The following TENM1 variants were observed in gnomAD, a reference collection of about 807,000 sequenced individuals.
The protein encoded by TENM1 is teneurin-1.
TENM1 carries 35 observed loss-of-function variants against 174.8 expected under a neutral mutation model. The ratio of observed to expected loss-of-function variants is 0.20; its 90% CI spans 0.15 to 0.27. The LOEUF (loss-of-function observed/expected upper bound fraction) is 0.27. Ranked by LOEUF, TENM1 falls within the 10% of genes least tolerant of loss-of-function variation. TENM1 has a pLI of 1.00. For synonymous variants in TENM1, 781 were observed against 798.7 expected, an observed-to-expected ratio of 0.98 and a Z score of 0.37; for missense variants, 1,633 against 2,130.1, an observed-to-expected ratio of 0.77 and a Z score of 4.59.
chrX:124,687,913 A>G (rs925694587), intron 5 of TENM1, among the ~76,000 whole-genome samples: 3 of 112,403 alleles, frequency 2.7e-5, no homozygotes, highest in Non-Finnish European at 3.8e-5. Flanking sequence ...GGGTAGAGAA[A>G]GTAGGGAGCT....
At chrX:125,137,510 C>A in the TENM1 span, among the ~76,000 whole-genome samples, 2 of 108,420 alleles carry the variant, frequency 1.8e-5, no homozygotes, top group African/African-American at 6.7e-5. Context: ...GGCATAAAGT[C>A]TAAAAATGCT....
intron 11 of TENM1, among the ~76,000 whole-genome samples, chrX:124,617,173 A>C (rs1432733672): frequency 8.9e-6 from 1 of 112,057 alleles, no homozygotes; most frequent in African/African-American, 3.2e-5. Flanking sequence ...AGTAAAACTT[A>C]AGGTGCTTGG....
At chrX:124,645,704 A>G (rs1817852363) in intron 9 of TENM1, among the ~76,000 whole-genome samples, 6 of 112,365 alleles carry the variant, frequency 5.3e-5, no homozygotes, top group Admixed American at 4.7e-4. Flanking sequence ...GCAATAAATG[A>G]AGTTATTAAT....
intron 3 of TENM1, among the ~76,000 whole-genome samples, chrX:124,754,474 T>C (rs1416657824): frequency 9.0e-6 from 1 of 111,579 alleles, no homozygotes; most frequent in African/African-American, 3.3e-5. Context: ...GGGTTTTTTG[T>C]GTCTCTATTT....
chrX:125,047,029 C>T, the TENM1 span, among the ~76,000 whole-genome samples: 105 of 110,874 alleles, frequency 9.5e-4, no homozygotes, highest in Non-Finnish European at 5.1e-4. Context: ...TTTAATTCCT[C>T]CCCAAAGTTT....
At chrX:125,198,917 G>A in the TENM1 span, among the ~76,000 whole-genome samples, 637 of 110,713 alleles carry the variant, frequency 5.8e-3, 5 homozygotes, top group African/African-American at 0.02. Flanking sequence ...TGAATTTAAA[G>A]TTTTTAATTT....
At chrX:124,855,353 T>C (rs1221766619) in intron 3 of TENM1, among the ~76,000 whole-genome samples, 7 of 111,507 alleles carry the variant, frequency 6.3e-5, no homozygotes, top group Middle Eastern at 9.2e-3. Context: ...TTACAAAGTA[T>C]ATACACAAAA....
chrX:124,953,125 T>C (rs1406049220), intron 1 of TENM1, among the ~76,000 whole-genome samples: 1 of 112,113 alleles, frequency 8.9e-6, no homozygotes. Context: ...GACAGGATGA[T>C]TTCCTGACAG....
At chrX:124,616,478 C>T (rs775832975) in intron 11 of TENM1, among the ~76,000 whole-genome samples, 1 of 112,293 alleles carries the variant, frequency 8.9e-6, no homozygotes, top group African/African-American at 3.2e-5. Flanking sequence ...ATTAGGCTTT[C>T]TGTGGGGAGG....
chrX:124,638,637 T>C (rs1354894101), intron 11 of TENM1, among the ~76,000 whole-genome samples: 2 of 111,366 alleles, frequency 1.8e-5, no homozygotes, highest in African/African-American at 3.3e-5. Flanking sequence ...GTAGCTTGCA[T>C]TCCTGTGGTC....
chrX:124,914,584 A>G (rs1232707891), intron 1 of TENM1, among the ~76,000 whole-genome samples: 1 of 111,963 alleles, frequency 8.9e-6, no homozygotes, highest in Non-Finnish European at 1.9e-5. Context: ...CTTCAAATTG[A>G]TCCTCCTTTA....
At chrX:124,472,330 T>TAAA (rs34695864) in intron 22 of TENM1, among the ~76,000 whole-genome samples, 2 of 18,680 alleles carry the variant, frequency 1.1e-4, no homozygotes, top group African/African-American at 4.6e-4. Context: ...ATGCTTGACG[T>TAAA]AAAAAAAAAA....
At chrX:124,640,822 G>A (rs187543938) in intron 11 of TENM1, among the ~76,000 whole-genome samples, 28 of 110,077 alleles carry the variant, frequency 2.5e-4, no homozygotes, top group East Asian at 2.0e-3. Flanking sequence ...TTAGCCGGTC[G>A]TGGTGTCACG....
At chrX:124,919,601 G>A (rs2057988538) in intron 1 of TENM1, among the ~76,000 whole-genome samples, 1 of 111,010 alleles carries the variant, frequency 9.0e-6, no homozygotes, top group South Asian at 3.8e-4. Context: ...AGGGAAGTGA[G>A]GGAAGAGGGC....
chrX:125,041,245 A>C, the TENM1 span, among the ~76,000 whole-genome samples: 15 of 111,491 alleles, frequency 1.3e-4, no homozygotes, highest in East Asian at 4.0e-3. Flanking sequence ...AAGTAGTAGA[A>C]ATTCAGATAA....
the TENM1 span, among the ~76,000 whole-genome samples, chrX:125,024,421 C>T: frequency 9.1e-6 from 1 of 109,910 alleles, no homozygotes; most frequent in South Asian, 3.9e-4. Flanking sequence ...TGAAACACTA[C>T]TCAGCCATAA....
chrX:124,988,564 AC>A, the TENM1 span, among the ~76,000 whole-genome samples: 23,892 of 110,856 alleles, frequency 0.22, 2,489 homozygotes, highest in African/African-American at 0.4. Context: ...GACCAGTATA[AC>A]CCTGATACCC....
At chrX:124,531,129 T>C (rs916778339) in intron 15 of TENM1, among the ~76,000 whole-genome samples, 1 of 96,516 alleles carries the variant, frequency 1.0e-5, no homozygotes, top group Non-Finnish European at 2.0e-5. Context: ...ATACCACCTT[T>C]TTTTTTTTTT....
intron 3 of TENM1, among the ~76,000 whole-genome samples, chrX:124,872,233 T>C (rs1367864287): frequency 1.8e-5 from 2 of 110,905 alleles, no homozygotes; most frequent in Non-Finnish European, 1.9e-5. Context: ...TGTTTAGCAC[T>C]AGTAACCTGG....
Sources: allele counts gnomAD v4.1 joint callset (sites outside exome capture counted in the v4.1 genomes callset), GRCh38; gene constraint gnomAD v4.1.1; transcripts MANE v1.5; gene names NCBI Gene and HGNC (gene_info 2026-07-23, HGNC 2026-07-21).